Variants in WWOX observed in about 807,000 individuals in gnomAD.
WWOX encodes the protein WW domain containing oxidoreductase.
In WWOX, 69 loss-of-function variants were observed where a neutral mutation model predicts 46.2. The observed-to-expected ratio is 1.49, with a 90% CI of 1.23 to 1.82. WWOX has a LOEUF of 1.82. Among genes scored for constraint, WWOX ranks in the 40% most tolerant of loss-of-function variants. The pLI, the probability that WWOX is intolerant of heterozygous loss-of-function variation, is 0.00. For synonymous variants in WWOX, 359 were observed against 202.6 expected (o/e 1.77, Z -6.56); for missense variants, 919 against 542.6 (o/e 1.69, Z -6.89).
intron 8 of WWOX, among the ~76,000 whole-genome samples, chr16:78,689,171 C>T (rs2047929991): frequency 6.6e-6 from 1 of 152,166 alleles, no homozygotes; most frequent in Admixed American, 6.5e-5. Context: ...TACTTCCACC[C>T]CACCAACAAA....
At chr16:78,270,626 C>T (rs1226936852) in intron 5 of WWOX, 4 of 152,154 alleles carry the variant, frequency 2.6e-5, no homozygotes, top group African/African-American at 9.7e-5. Context: ...TCCTGGGTCT[C>T]CTGTTTTCTG....
chr16:78,623,074 C>A (rs531311161), intron 8 of WWOX, among the ~76,000 whole-genome samples: 2 of 151,880 alleles, frequency 1.3e-5, no homozygotes, highest in African/African-American at 2.4e-5. Context: ...AGGTGATTGA[C>A]CATCCCCAGT....
chr16:78,355,898 A>T lies in WWOX; in HGVS notation c.517-30962A>T, dbSNP rs1448637639. ...GTACAGTGGCCTCTCTAAATGTGCA[A>T]GATATTCAAAAGAGAAACCCGCATA... On this transcript the variant is annotated intron_variant, in intron 5 of 8. Transcript: ENST00000566780. 7.4e-6 allele frequency: 3 copies of T among 405,342 alleles called. No individual in the cohort carries two copies. The South Asian group carries it at 7.5e-5, about 10-fold the overall frequency. The allele number at this position is 405,342 out of a possible 1,614,324, so 25.1% of individuals were successfully genotyped here. A position where few individuals can be genotyped will look rare whatever the true frequency, so the allele number is the denominator to read the frequency against.
intron 8 of WWOX, among the ~76,000 whole-genome samples, chr16:79,124,939 C>T (rs1235758697): frequency 6.6e-6 from 1 of 152,120 alleles, no homozygotes; most frequent in Non-Finnish European, 1.5e-5. Flanking sequence ...GCTGAAGAAC[C>T]AAGCTCTGAG....
At chr16:78,383,361 C>T (rs1020500576) in intron 5 of WWOX, among the ~76,000 whole-genome samples, 2 of 151,988 alleles carry the variant, frequency 1.3e-5, no homozygotes, top group Non-Finnish European at 2.9e-5. Flanking sequence ...ACCAGTTTGG[C>T]CATGTTTTGT....
intron 8 of WWOX, among the ~76,000 whole-genome samples, chr16:79,005,836 C>G (rs2047179351): frequency 6.6e-6 from 1 of 152,260 alleles, no homozygotes; most frequent in Non-Finnish European, 1.5e-5. Flanking sequence ...TATATGGATT[C>G]CAGAGTGACC....
At chr16:78,119,769 A>G (rs751529985) in intron 4 of WWOX, among the ~76,000 whole-genome samples, 7 of 152,080 alleles carry the variant, frequency 4.6e-5, no homozygotes, top group Non-Finnish European at 8.8e-5. Context: ...CCCAGATGCT[A>G]TTAGCAAGTA....
chr16:78,180,858 T>C (rs538603116), intron 5 of WWOX, among the ~76,000 whole-genome samples: 4 of 152,218 alleles, frequency 2.6e-5, no homozygotes, highest in Admixed American at 6.5e-5. Context: ...CCAGCAGACG[T>C]CCGGACTGTG....
chr16:78,559,842 C>G (rs759636992), intron 8 of WWOX, among the ~76,000 whole-genome samples: 3 of 152,192 alleles, frequency 2.0e-5, no homozygotes, highest in African/African-American at 7.2e-5. Flanking sequence ...CACAAAACAA[C>G]AGGCTCCACC....
At chr16:78,857,524 C>G (rs1210315923) in intron 8 of WWOX, among the ~76,000 whole-genome samples, 1 of 152,168 alleles carries the variant, frequency 6.6e-6, no homozygotes, top group African/African-American at 2.4e-5. Context: ...GCGATTAAGA[C>G]TTGTTCTGAG....
intron 7 of WWOX, among the ~76,000 whole-genome samples, chr16:78,428,138 G>T (rs555791697): frequency 6.6e-6 from 1 of 152,342 alleles, no homozygotes; most frequent in African/African-American, 2.4e-5. Context: ...AGGGGCGGGG[G>T]TCCCCCTACA....
chr16:78,248,180 G>A (rs7195355), intron 5 of WWOX, among the ~76,000 whole-genome samples: 8,424 of 152,142 alleles, frequency 0.055, 424 homozygotes, highest in East Asian at 0.24. Flanking sequence ...CAGGAAGCAT[G>A]ATGCTAGCAT....
At chr16:79,097,967 A>G (rs1036569554) in intron 8 of WWOX, among the ~76,000 whole-genome samples, 1 of 152,190 alleles carries the variant, frequency 6.6e-6, no homozygotes, top group South Asian at 2.1e-4. Flanking sequence ...CAGTGTGGCA[A>G]TGCTTCAAGC....
intron 8 of WWOX, among the ~76,000 whole-genome samples, chr16:78,775,060 C>T (rs921506080): frequency 5.3e-5 from 8 of 152,070 alleles, no homozygotes; most frequent in African/African-American, 1.9e-4. Flanking sequence ...GGGTGGGGAG[C>T]CATCTCAGGC....
At chr16:78,602,776 T>C (rs1415844309) in intron 8 of WWOX, among the ~76,000 whole-genome samples, 1 of 152,224 alleles carries the variant, frequency 6.6e-6, no homozygotes, top group Non-Finnish European at 1.5e-5. Flanking sequence ...ATGGTTTATC[T>C]TGTAGCGTTC....
intron 8 of WWOX, among the ~76,000 whole-genome samples, chr16:78,906,124 A>G (rs750009809): frequency 2.0e-4 from 31 of 152,318 alleles, no homozygotes; most frequent in East Asian, 7.7e-4. Context: ...GGGGAATGCC[A>G]TGGAAGTCTG....
Position 79,096,127 on chromosome 16 carries a change from C to G in WWOX, c.1057-115481C>G, listed in dbSNP as rs568532961. 1.3e-4 allele frequency among the ~76,000 whole-genome samples: 20 copies of G among 150,840 alleles called. No homozygotes were observed. The South Asian group carries it at 4.2e-3, about 32-fold the overall frequency. On this transcript the variant is annotated intron_variant, in intron 8 of 8. Transcript: ENST00000566780. ...AACTGATCCGCCTGCCTCGGTCTCCCAAAGTGCTGGGATTACAGGCATGAG... is the reference window on the plus strand; with the variant it reads ...AACTGATCCGCCTGCCTCGGTCTCCGAAAGTGCTGGGATTACAGGCATGAG...
At chr16:78,386,750 A>T (rs1162707602) in intron 5 of WWOX, 110 bp from the exon 6 acceptor site, 1 of 954,020 alleles carries the variant, frequency 1.0e-6, no homozygotes, top group African/African-American at 1.6e-5. Flanking sequence ...TGGGCGTCTT[A>T]TATTAAACAG....
intron 8 of WWOX, among the ~76,000 whole-genome samples, chr16:79,085,103 A>G (rs1018218156): frequency 2.6e-5 from 4 of 152,086 alleles, no homozygotes; most frequent in Non-Finnish European, 1.5e-5. Flanking sequence ...ACACTTAAAT[A>G]TACATATATA....
Sources: allele counts gnomAD v4.1 joint callset (sites outside exome capture counted in the v4.1 genomes callset), GRCh38; gene constraint gnomAD v4.1.1; transcripts MANE v1.5; gene names NCBI Gene and HGNC (gene_info 2026-07-23, HGNC 2026-07-21).